Variants in INTS5 observed in about 807,000 individuals in gnomAD.
The protein encoded by INTS5 is KIAA1698.
In INTS5, 29 loss-of-function variants were observed where a neutral mutation model predicts 60.0. The observed-to-expected ratio is 0.48, with a 90% CI of 0.36 to 0.66. The LOEUF is 0.66. Among genes scored for constraint, INTS5 ranks in the 30% least tolerant of loss-of-function variants. The pLI is 0.00. For missense variants in INTS5, 1,129 were observed against 1,307.9 expected, an observed-to-expected ratio of 0.86 and a Z score of 2.11; for synonymous variants, 588 against 558.8, an observed-to-expected ratio of 1.05 and a Z score of -0.74.
chr11:62,648,016 G>C lies in INTS5; in HGVS notation c.2064C>G (p.Val688=), dbSNP rs369511250. 23 of 1,614,218 alleles carry C rather than the reference G, an allele frequency of 1.4e-5. No individual in the cohort carries two copies. Among genetic ancestry groups the C allele is most frequent in the Non-Finnish European group, 1.9e-5 (23 of 1,180,042 alleles). The part of the protein sequence containing the change: ...SQTSPAGLKA[V]LQLLVEGALH... ...AGGCTCCTTCAACCAGCAGCTGCAG[G>C]ACAGCCTTGAGCCCAGCTGGGGATG... Residue 688 remains valine (V), a synonymous_variant, in exon 2 of 2, where the codon GTC becomes GTG. Transcript: ENST00000330574. This position sits in a 1 kb window ranked among gnomAD's most constrained non-coding sequence, Gnocchi z 4.4.
In INTS5 at chr11:62,649,057, T is replaced by C. The variant is rs1178029471; in HGVS notation, c.1023A>G (p.Leu341=). The C allele has an allele frequency of 6.8e-6, 11 of 1,611,592 alleles. No homozygotes were observed. Among genetic ancestry groups the C allele is most frequent in the African/African-American group, 1.3e-5 (1 of 74,788 alleles). Residue 341 remains leucine, a synonymous_variant, in exon 2 of 2, where the codon CTA becomes CTG. Coordinates refer to ENST00000330574, the MANE Select transcript of INTS5 (RefSeq NM_030628.2). The surrounding 1 kb of genome is among the most constrained non-coding windows in gnomAD (Gnocchi z 6.0). ...CTGGTGACATGACTGCCAGCTGCAG[T>C]AGGAACGGAACCGTGGCCTGAAGGG... is the stretch of plus-strand genomic sequence containing the variant. ...DPSLQATVPF[L]LQLAVMSPAL... is the part of the protein sequence containing the mutation.
intron 1 of INTS5, among the ~76,000 whole-genome samples, chr11:62,650,707 C>T (rs368905773): frequency 2.0e-5 from 3 of 151,092 alleles, no homozygotes; most frequent in East Asian, 3.9e-4. Context: ...CCACTGCTCC[C>T]GCCCTGTTTT....
chr11:62,651,367 G>A (rs1590839157), intron 1 of INTS5, among the ~76,000 whole-genome samples: 1 of 151,070 alleles, frequency 6.6e-6, no homozygotes, highest in African/African-American at 2.4e-5. Flanking sequence ...CTCCCGCCTC[G>A]TCCTCCCAAA....
At position 62,653,150 on chromosome 11, in the gene INTS5, G is replaced by A; in HGVS notation, c.80+20C>T. 1 of 1,238,038 alleles carries A rather than the reference G, an allele frequency of 8.1e-7. No homozygotes were observed. Among genetic ancestry groups the A allele is most frequent in the Admixed American group, 4.2e-5 (1 of 23,702 alleles). 76.7% of individuals were successfully genotyped at this position (1,238,038 alleles called of 1,614,324 possible). On this transcript the variant is annotated intron_variant, in intron 1 of 1. Coordinates refer to ENST00000330574, the MANE Select transcript of INTS5 (RefSeq NM_030628.2). ...CGCGGGGCCGCGCGATGGGGGGAAG[G>A]TGCCAAGGGCTCTAACTACCTGAGA...
Position 62,646,915 on chromosome 11 carries a change from C to T in INTS5, c.*105G>A. 1 of 1,042,816 alleles carries T rather than the reference C, an allele frequency of 9.6e-7. No homozygotes were observed. The allele number at this position is 1,042,816 out of a possible 1,614,324, so 64.6% of individuals were successfully genotyped here. A position where few individuals can be genotyped will look rare whatever the true frequency, so the allele number is the denominator to read the frequency against. On this transcript the variant is annotated 3_prime_UTR_variant, in exon 2 of 2. Coordinates refer to ENST00000330574, the MANE Select transcript of INTS5 (RefSeq NM_030628.2). The stretch of plus-strand genomic sequence containing the variant: ...TGGGAGAGAAAAAAGTGACAGCGCT[C>T]TTTAGACCAAGGACTTAGAAGAGAA...
At chr11:62,650,819 CATCTCAGCCTCCT>C (rs1565120691) in intron 1 of INTS5, among the ~76,000 whole-genome samples, 1 of 151,834 alleles carries the variant, frequency 6.6e-6, no homozygotes, top group Non-Finnish European at 1.5e-5. Context: ...AGCATCCTCC[CATCTCAGCCTCCT>C]GAGTAGCTGC....
At chr11:62,650,284 T>G (rs1228273165) in intron 1 of INTS5, among the ~76,000 whole-genome samples, 1 of 150,978 alleles carries the variant, frequency 6.6e-6, no homozygotes, top group African/African-American at 2.4e-5. Context: ...GCCTAGCTAA[T>G]TTTTTGTATT....
rs750934305 is a variant in INTS5, at chr11:62,647,715, C to A, written c.2365G>T (p.Ala789Ser). ...TCCCCACATTCAGTGCCCCCTGGGG[C>A]ACTGCAGCAGTGAACCAGGAGGCTG... ...LLSLLVHCCS[A>S]PGGTECGECW... Residue 789 changes from alanine (A) to serine (S), a missense_variant, in exon 2 of 2, where the codon GCC becomes TCC. Ala to Ser is a moderately conservative substitution (Grantham distance 99). Around this residue, in one of 3 missense-constraint regions of INTS5, gnomAD observed 1,070 missense variants for 1,246.1 expected, o/e 0.86. Transcript: ENST00000330574. 3 of 1,614,070 alleles carry A rather than the reference C, an allele frequency of 1.9e-6. No homozygotes were observed. The highest frequency in any genetic ancestry group is 1.7e-6 in the Non-Finnish European group (2 of 1,180,054).
rs763781985 is a variant in INTS5 at position 62,653,230 on chromosome 11, G to C, written c.20C>G (p.Pro7Arg). 8.0e-6 allele frequency: 10 copies of C among 1,245,818 alleles called. No homozygotes were observed. The highest frequency in any genetic ancestry group is 1.0e-5 in the Non-Finnish European group (10 of 987,648). The allele number at this position is 1,245,818 out of a possible 1,614,324, so 77.2% of individuals were successfully genotyped here. A position where few individuals can be genotyped will look rare whatever the true frequency, so the allele number is the denominator to read the frequency against. MSALCD[P>R]PGAPGPPGPA... The stretch of plus-strand genomic sequence containing the variant: ...CCCAGGTGGCCCTGGGGCCCCGGGA[G>C]GGTCGCACAGCGCGGACATCCCGGA... Residue 7 changes from proline to arginine, a missense_variant, in exon 1 of 2, where the codon CCT (proline) becomes CGT (arginine). Coordinates refer to ENST00000330574, the MANE Select transcript of INTS5 (RefSeq NM_030628.2).
chr11:62,648,954 G>A lies in INTS5; in HGVS notation c.1126C>T (p.Leu376Phe). The A allele has an allele frequency of 2.5e-6, 4 of 1,612,798 alleles. No individual in the cohort carries two copies. The highest frequency in any genetic ancestry group is 2.5e-6 in the Non-Finnish European group (3 of 1,179,350). Residue 376 changes from leucine to phenylalanine, a missense_variant, in exon 2 of 2, where the codon CTT becomes TTT. Leu to Phe is a conservative substitution (Grantham distance 22, BLOSUM62 0). Coordinates refer to ENST00000330574, the MANE Select transcript of INTS5 (RefSeq NM_030628.2). This position sits in a 1 kb window ranked among gnomAD's most constrained non-coding sequence, Gnocchi z 4.4. ...AGCTCCTCTCGGGGGAATCCTTGAA[G>A]GTGTTGCTGCAGCTGGCTCAGCACA... Reference protein sequence around the residue: ...PAVLSQLQQHLQGFPREELDN... With the variant: ...PAVLSQLQQHFQGFPREELDN...
In INTS5 at chr11:62,648,092, C is replaced by T. The variant is rs777687248; in HGVS notation, c.1988G>A (p.Gly663Glu). ...HRFFASLRLH[G>E]PPGVASACQL... is the part of the protein sequence containing the mutation. ...ACAGGCTGAGGCCACACCTGGGGGT[C>T]CATGCAGCCTCAGAGAGGCAAAGAA... The change falls in exon 2 of 2, where the codon GGA (glycine) becomes GAA (glutamate). Residue 663 changes from glycine (G) to glutamate (E), a missense_variant. Physicochemically the swap from Gly to Glu is moderately conservative, Grantham distance 98 (BLOSUM62 -2). Transcript: ENST00000330574. The surrounding 1 kb of genome is among the most constrained non-coding windows in gnomAD (Gnocchi z 4.4). 13 of 1,614,038 alleles carry T rather than the reference C, an allele frequency of 8.1e-6. No individual in the cohort carries two copies. In the South Asian group the frequency reaches 1.3e-4, roughly 16 times the overall value.
chr11:62,648,392 G>A lies in INTS5; in HGVS notation c.1688C>T (p.Ala563Val). ...CGTGAAGGGAGGCTGTAATGTCCCT[G>A]CATGCACCCGAGCCAGACAGCTTCG... Reference protein sequence around the residue: ...AFRSCLARVHAGTLQPPFTAR... With the variant: ...AFRSCLARVHVGTLQPPFTAR... Residue 563 changes from alanine to valine, a missense_variant, in exon 2 of 2, where the codon GCA becomes GTA. By Grantham distance (64) the Ala-to-Val change is moderately conservative (BLOSUM62 0). This residue lies in a region of INTS5 where 1,070 missense variants were observed against 1,246.1 expected (regional missense o/e 0.86). Coordinates refer to ENST00000330574, the MANE Select transcript of INTS5 (RefSeq NM_030628.2). This position sits in a 1 kb window ranked among gnomAD's most constrained non-coding sequence, Gnocchi z 4.4. 1.2e-6 allele frequency: 2 copies of A among 1,614,188 alleles called. No individual in the cohort carries two copies. The highest frequency in any genetic ancestry group is 1.7e-6 in the Non-Finnish European group (2 of 1,180,038).
chr11:62,650,408 G>A (rs906458899), intron 1 of INTS5, among the ~76,000 whole-genome samples: 7 of 150,860 alleles, frequency 4.6e-5, no homozygotes, highest in Non-Finnish European at 7.4e-5. Context: ...GAGCCACCGC[G>A]CCCGGCCTTT....
rs1265035471 is a variant in INTS5 at position 62,649,699 on chromosome 11, C to G, written c.381G>C (p.Gln127His). The G allele has an allele frequency of 3.7e-6, 6 of 1,614,228 alleles. No individual in the cohort carries two copies. In the South Asian group the frequency reaches 6.6e-5, roughly 18 times the overall value. Residue 127 changes from glutamine (Q) to histidine (H), a missense_variant, in exon 2 of 2, where the codon CAG becomes CAC. Transcript: ENST00000330574. This position sits in a 1 kb window ranked among gnomAD's most constrained non-coding sequence, Gnocchi z 6.0. ...TGGCCCGGATAAACTCAGACAGCAC[C>G]TGCTGCACTTCCTGAACCACATCCT... ...GLEDVVQEVQ[Q>H]VLSEFIRANP...
intron 1 of INTS5, among the ~76,000 whole-genome samples, chr11:62,651,945 T>C (rs898352715): frequency 1.3e-5 from 2 of 152,336 alleles, no homozygotes; most frequent in African/African-American, 4.8e-5. Flanking sequence ...TCCACTTCTA[T>C]TGAAGTACAC....
rs777462365 is a variant in INTS5 at position 62,648,780 on chromosome 11, C to T, written c.1300G>A (p.Ala434Thr). ...GLAVPDTVRE[A>T]CDRLIQLLLL... ...AGCAGCTGGATTAGCCGGTCACAAG[C>T]CTCACGCACGGTGTCTGGCACAGCC... is the stretch of plus-strand genomic sequence containing the variant. The change falls in exon 2 of 2, where the codon GCT (alanine) becomes ACT (threonine). Residue 434 changes from alanine (A) to threonine (T), a missense_variant. This residue lies in a region of INTS5 where 1,070 missense variants were observed against 1,246.1 expected (regional missense o/e 0.86). Coordinates refer to ENST00000330574, the MANE Select transcript of INTS5 (RefSeq NM_030628.2). This position sits in a 1 kb window ranked among gnomAD's most constrained non-coding sequence, Gnocchi z 4.4. 8 of 1,614,092 alleles carry T rather than the reference C, an allele frequency of 5.0e-6. No homozygotes were observed. The highest frequency in any genetic ancestry group is 5.1e-6 in the Non-Finnish European group (6 of 1,180,048).
Position 62,649,737 on chromosome 11 carries a change from C to T in INTS5, c.343G>A (p.Gly115Arg). 1 of 1,614,200 alleles carries T rather than the reference C, an allele frequency of 6.2e-7. No individual in the cohort carries two copies. Among genetic ancestry groups the T allele is most frequent in the Non-Finnish European group, 8.5e-7 (1 of 1,180,034 alleles). Residue 115 changes from glycine to arginine, a missense_variant, in exon 2 of 2, where the codon GGA becomes AGA. Around this residue, in one of 3 missense-constraint regions of INTS5, gnomAD observed 1,070 missense variants for 1,246.1 expected, o/e 0.86. Transcript: ENST00000330574. This position sits in a 1 kb window ranked among gnomAD's most constrained non-coding sequence, Gnocchi z 6.0. ...PPPPSHVPAG[G>R]PGLEDVVQEV... ...TGAACCACATCCTCTAGACCAGGTCCACCAGCAGGGACATGAGAGGGTGGA... is the reference window on the plus strand; with the variant it reads ...TGAACCACATCCTCTAGACCAGGTCTACCAGCAGGGACATGAGAGGGTGGA...
intron 1 of INTS5, among the ~76,000 whole-genome samples, chr11:62,651,080 T>G (rs937048155): frequency 6.6e-6 from 1 of 151,788 alleles, no homozygotes; most frequent in Non-Finnish European, 1.5e-5. Context: ...CCATACCAGA[T>G]TCACACTAAT....
Position 62,647,707 on chromosome 11 carries a change from C to T in INTS5, c.2373G>A (p.Gly791=). 1 of 1,614,148 alleles carries T rather than the reference C, an allele frequency of 6.2e-7. No homozygotes were observed. Among genetic ancestry groups the T allele is most frequent in the Non-Finnish European group, 8.5e-7 (1 of 1,180,030 alleles). The change falls in exon 2 of 2, where the codon GGG becomes GGA. Residue 791 remains glycine (G), a synonymous_variant. Coordinates refer to ENST00000330574, the MANE Select transcript of INTS5 (RefSeq NM_030628.2). ...CCCAGCATTCCCCACATTCAGTGCC[C>T]CCTGGGGCACTGCAGCAGTGAACCA... is the stretch of plus-strand genomic sequence containing the variant. ...SLLVHCCSAP[G]GTECGECWGA... is the part of the protein sequence containing the mutation.
Sources: gnomAD v4.1 joint callset for allele counts (sites outside exome capture counted in the v4.1 genomes callset) on GRCh38, gnomAD v4.1.1 for gene constraint, gnomAD v4.1.1 regional missense constraint, Gnocchi (gnomAD v3.1) non-coding constraint, MANE v1.5 for transcripts, NCBI Gene and HGNC (gene_info 2026-07-23, HGNC 2026-07-21) for gene names.